Variants in PAIP2B observed in about 807,000 individuals in gnomAD.
PAIP2B encodes the protein poly(A) binding protein interacting protein 2B.
PAIP2B carries 13 observed loss-of-function variants against 17.0 expected under a neutral mutation model. The ratio of observed to expected loss-of-function variants is 0.76; its 90% CI spans 0.50 to 1.22. PAIP2B has a LOEUF of 1.22. Ranked by LOEUF, PAIP2B falls within the 50% of genes most tolerant of loss-of-function variation. The pLI is 0.00. For synonymous variants in PAIP2B, 43 were observed against 48.7 expected (o/e 0.88, Z 0.48); for missense variants, 117 against 144.5 (o/e 0.81, Z 0.98).
At chr2:71,199,572 T>C (rs1674924469) in intron 2 of PAIP2B, among the ~76,000 whole-genome samples, 1 of 105,486 alleles carries the variant, frequency 9.5e-6, no homozygotes, top group Admixed American at 9.3e-5. Context: ...AACTGCGTCC[T>C]TTTTTTTTTT....
chr2:71,207,362 C>T (rs76609413), intron 1 of PAIP2B, among the ~76,000 whole-genome samples: 6,757 of 152,028 alleles, frequency 0.044, 194 homozygotes, highest in African/African-American at 0.072. Context: ...AAGGTAGGTA[C>T]GTATATAGCC....
chr2:71,215,579 T>C (rs926002047), intron 1 of PAIP2B, among the ~76,000 whole-genome samples: 1 of 152,360 alleles, frequency 6.6e-6, no homozygotes, highest in South Asian at 2.1e-4. Context: ...TTTGTAATAC[T>C]AGTTATTCCT....
intron 1 of PAIP2B, among the ~76,000 whole-genome samples, chr2:71,206,515 G>A (rs1675132458): frequency 6.6e-6 from 1 of 152,144 alleles, no homozygotes; most frequent in Non-Finnish European, 1.5e-5. Context: ...TCATGGTCAA[G>A]GGTCAAGACA....
Position 71,202,605 on chromosome 2 carries a change from A to G in PAIP2B, c.-11-5T>C, listed in dbSNP as rs779099163. The G allele has an allele frequency of 3.1e-6, 5 of 1,602,764 alleles. No individual in the cohort carries two copies. In the Admixed American group the frequency reaches 6.8e-5, roughly 22 times the overall value. On this transcript the variant is annotated splice_region_variant and splice_polypyrimidine_tract_variant and intron_variant, in intron 1 of 3. Coordinates refer to ENST00000244221, the MANE Select transcript of PAIP2B (RefSeq NM_020459.1). ...ATCCATTCATTATGATGGAACCTAA[A>G]GAGAAGCAAAAGAAAAGATAAAATG... is the stretch of plus-strand genomic sequence containing the variant.
At position 71,188,473 on chromosome 2, in the gene PAIP2B, C is replaced by T; in HGVS notation, c.*6G>A. On this transcript the variant is annotated 3_prime_UTR_variant, in exon 4 of 4. Transcript: ENST00000244221. Reference sequence around the variant, plus strand: ...ACAGACAAGTCTTCCTCAAAGCTTTCTCGGCTCAGTACTTCTCTCCTGGAA... The same window carrying T: ...ACAGACAAGTCTTCCTCAAAGCTTTTTCGGCTCAGTACTTCTCTCCTGGAA... 3 of 1,600,438 alleles carry T rather than the reference C, an allele frequency of 1.9e-6. No individual in the cohort carries two copies. In the South Asian group the frequency reaches 3.4e-5, roughly 18 times the overall value.
At chr2:71,221,558 A>G (rs545658689) in intron 1 of PAIP2B, among the ~76,000 whole-genome samples, 1 of 152,314 alleles carries the variant, frequency 6.6e-6, no homozygotes, top group Non-Finnish European at 1.5e-5. Context: ...TAAATGCAAT[A>G]CCAAAAGGGA....
At chr2:71,192,483 G>A (rs921012921) in intron 2 of PAIP2B, among the ~76,000 whole-genome samples, 3 of 151,738 alleles carry the variant, frequency 2.0e-5, no homozygotes, top group Non-Finnish European at 4.4e-5. Context: ...TGAAGTACAC[G>A]TGAAGGTTAC....
intron 1 of PAIP2B, among the ~76,000 whole-genome samples, chr2:71,209,506 T>G (rs1249578464): frequency 6.6e-6 from 1 of 152,182 alleles, no homozygotes; most frequent in Non-Finnish European, 1.5e-5. Flanking sequence ...GGTTGCATGG[T>G]GAACACGAAA....
chr2:71,198,283 T>G (rs142580995), intron 2 of PAIP2B, among the ~76,000 whole-genome samples: 3,036 of 126,696 alleles, frequency 0.024, 54 homozygotes, highest in South Asian at 0.073. Flanking sequence ...CAGGCCCAGC[T>G]AATTTTTTTT....
intron 2 of PAIP2B, among the ~76,000 whole-genome samples, chr2:71,194,009 T>C (rs1486703089): frequency 1.3e-5 from 2 of 152,144 alleles, no homozygotes; most frequent in Non-Finnish European, 1.5e-5. Flanking sequence ...TTTTGTCAGC[T>C]TTGTCAAAGA....
chr2:71,213,394 T>G (rs35226067), intron 1 of PAIP2B, among the ~76,000 whole-genome samples: 14,014 of 152,206 alleles, frequency 0.092, 709 homozygotes, highest in Non-Finnish European at 0.12. Context: ...GGTGCCATTT[T>G]GGGTTGGAAA....
At chr2:71,224,563 A>G (rs1675673149) in intron 1 of PAIP2B, among the ~76,000 whole-genome samples, 1 of 152,190 alleles carries the variant, frequency 6.6e-6, no homozygotes, top group African/African-American at 2.4e-5. Context: ...AAAGGCTTGC[A>G]AGGAGAGAGA....
chr2:71,210,906 C>T (rs970920104), intron 1 of PAIP2B, among the ~76,000 whole-genome samples: 2 of 152,104 alleles, frequency 1.3e-5, no homozygotes, highest in Non-Finnish European at 2.9e-5. Flanking sequence ...AGTCCCTGGA[C>T]CAGACCCAAG....
chr2:71,207,762 T>C (rs1009333014), intron 1 of PAIP2B, among the ~76,000 whole-genome samples: 2 of 152,112 alleles, frequency 1.3e-5, no homozygotes. Context: ...GAGGGAAATA[T>C]CAAGGATAAT....
intron 2 of PAIP2B, among the ~76,000 whole-genome samples, chr2:71,197,810 C>T (rs1268619228): frequency 6.6e-6 from 1 of 152,126 alleles, no homozygotes. Context: ...GTTTTTAAAA[C>T]CATCAAATCT....
At chr2:71,219,888 C>G (rs1675533604) in intron 1 of PAIP2B, among the ~76,000 whole-genome samples, 1 of 152,212 alleles carries the variant, frequency 6.6e-6, no homozygotes, top group Admixed American at 6.5e-5. Context: ...CTCTACTCTT[C>G]TCTCTCAACA....
chr2:71,208,761 A>G (rs1260082237), intron 1 of PAIP2B, among the ~76,000 whole-genome samples: 1 of 152,138 alleles, frequency 6.6e-6, no homozygotes, highest in Non-Finnish European at 1.5e-5. Flanking sequence ...GCAGAGGGAG[A>G]TTTAACACAC....
chr2:71,198,904 T>C (rs544026666), intron 2 of PAIP2B, among the ~76,000 whole-genome samples: 2 of 152,340 alleles, frequency 1.3e-5, no homozygotes, highest in South Asian at 4.1e-4. Context: ...TTACTATGAT[T>C]TTTATTTTCC....
rs1447794536 is a variant in PAIP2B, at chr2:71,185,067, C to T, written c.*3412G>A. 1 of 152,162 alleles carries T rather than the reference C, an allele frequency of 6.6e-6. No individual in the cohort carries two copies. 9.4% of individuals were successfully genotyped at this position (152,162 alleles called of 1,614,324 possible). On this transcript the variant is annotated 3_prime_UTR_variant, in exon 4 of 4. Coordinates refer to ENST00000244221, the MANE Select transcript of PAIP2B (RefSeq NM_020459.1). The stretch of plus-strand genomic sequence containing the variant: ...CCTGGGGTTTGCAGCAGCCCTAGTA[C>T]AAGAAGATTCATTCGTGCTGTTTAC...
Sources: allele counts gnomAD v4.1 joint callset (sites outside exome capture counted in the v4.1 genomes callset), GRCh38; gene constraint gnomAD v4.1.1; transcripts MANE v1.5; gene names NCBI Gene and HGNC (gene_info 2026-07-23, HGNC 2026-07-21).